Variants in ASTN2 observed in about 807,000 individuals in gnomAD.
ASTN2 encodes the protein astrotactin 2, also known as astrotactin-2.
Under a neutral mutation model 139.8 loss-of-function variants are expected in ASTN2, and 54 were observed. That is an observed-to-expected ratio of 0.39 (90% confidence interval 0.31 to 0.48). ASTN2 has a LOEUF of 0.48. Among genes scored for constraint, ASTN2 ranks in the 20% least tolerant of loss-of-function variants. The probability of loss-of-function intolerance (pLI) is 0.95; values close to 1 mark genes in which losing one functional copy is unlikely to be tolerated. For missense variants in ASTN2, 1,565 were observed against 1,725.1 expected, an observed-to-expected ratio of 0.91 and a Z score of 1.64; for synonymous variants, 756 against 719.5, an observed-to-expected ratio of 1.05 and a Z score of -0.81.
At chr9:117,233,793 A>G (rs1832966229) in intron 2 of ASTN2, among the ~76,000 whole-genome samples, 1 of 152,206 alleles carries the variant, frequency 6.6e-6, no homozygotes, top group African/African-American at 2.4e-5. Context: ...TGTGTTTTCT[A>G]TCCCATCTTC....
Position 117,068,856 on chromosome 9 carries a change from C to T in ASTN2, c.1276+27188G>A, listed in dbSNP as rs1057173639. ...ATTTCTGTGGGATCGGTGGTGATAT[C>T]CCCTTTATCATTTCTTATTGTGTCT... On this transcript the variant is annotated intron_variant, in intron 5 of 22. Coordinates refer to ENST00000313400, the MANE Select transcript of ASTN2 (RefSeq NM_001365068.1). 2.3e-5 allele frequency among the ~76,000 whole-genome samples: 3 copies of T among 127,836 alleles called. 1 individual carries two copies. The highest frequency in any genetic ancestry group is 8.4e-5 in the African/African-American group (3 of 35,626). The allele number at this position is 127,836 out of a possible 152,430, so 83.9% of individuals were successfully genotyped here.
chr9:116,901,506 C>T (rs1588396230), intron 10 of ASTN2, among the ~76,000 whole-genome samples: 1 of 152,274 alleles, frequency 6.6e-6, no homozygotes, highest in East Asian at 1.9e-4. Flanking sequence ...TGCTTAATGA[C>T]ATTGCGACAG....
intron 19 of ASTN2, among the ~76,000 whole-genome samples, chr9:116,560,618 A>T (rs925157668): frequency 3.3e-5 from 5 of 152,052 alleles, no homozygotes; most frequent in Admixed American, 6.5e-5. Flanking sequence ...TTCCTTATAC[A>T]TTCATTAGTT....
chr9:117,088,256 A>C (rs2132738366), intron 5 of ASTN2, among the ~76,000 whole-genome samples: 1 of 152,030 alleles, frequency 6.6e-6, no homozygotes, highest in Middle Eastern at 3.4e-3. Context: ...TTTGGGCTCT[A>C]CTCAGTTCTG....
intron 16 of ASTN2, among the ~76,000 whole-genome samples, chr9:116,710,464 C>T (rs980426920): frequency 1.3e-4 from 20 of 150,688 alleles, no homozygotes; most frequent in Admixed American, 6.6e-4. Flanking sequence ...GTGCAGTGAG[C>T]TCACGCCTGT....
chr9:116,607,539 T>G (rs771254322), intron 19 of ASTN2, among the ~76,000 whole-genome samples: 1 of 152,130 alleles, frequency 6.6e-6, no homozygotes, highest in Non-Finnish European at 1.5e-5. Flanking sequence ...ACCTCAATTT[T>G]AAAAAGTAAC....
At chr9:116,879,548 C>A (rs1282998374) in intron 10 of ASTN2, among the ~76,000 whole-genome samples, 1 of 152,018 alleles carries the variant, frequency 6.6e-6, no homozygotes, top group Non-Finnish European at 1.5e-5. Context: ...ATTATAATAC[C>A]GAATTCTTAG....
chr9:116,522,259 C>A (rs1444495494), intron 19 of ASTN2, among the ~76,000 whole-genome samples: 1 of 152,050 alleles, frequency 6.6e-6, no homozygotes, highest in Admixed American at 6.6e-5. Context: ...AATATGGAAC[C>A]AGCCCAAATA....
intron 5 of ASTN2, among the ~76,000 whole-genome samples, chr9:117,057,729 G>A (rs113549905): frequency 0.015 from 2,322 of 152,234 alleles, 64 homozygotes; most frequent in African/African-American, 0.053. Flanking sequence ...TAGCCATGTT[G>A]CTGCCTTCTT....
chr9:117,001,259 A>G (rs897925817), intron 7 of ASTN2, among the ~76,000 whole-genome samples: 11 of 152,212 alleles, frequency 7.2e-5, no homozygotes, highest in Non-Finnish European at 1.3e-4. Flanking sequence ...CTCACAAAGG[A>G]GAGACTTCTT....
chr9:117,021,656 G>A (rs1157390462), intron 6 of ASTN2, among the ~76,000 whole-genome samples: 1 of 152,122 alleles, frequency 6.6e-6, no homozygotes, highest in African/African-American at 2.4e-5. Context: ...TGGTATTCAC[G>A]TTCTGGCCAT....
At chr9:117,193,962 T>G (rs1017650855) in intron 3 of ASTN2, among the ~76,000 whole-genome samples, 1 of 151,594 alleles carries the variant, frequency 6.6e-6, no homozygotes, top group Non-Finnish European at 1.5e-5. Context: ...GGGCAGGGTG[T>G]TGTTGTTGTT....
intron 2 of ASTN2, among the ~76,000 whole-genome samples, chr9:117,219,484 C>T (rs557661525): frequency 4.6e-5 from 7 of 152,162 alleles, no homozygotes; most frequent in Non-Finnish European, 1.0e-4. Context: ...CCAAGGGTGA[C>T]AAGCTGAGAC....
intron 1 of ASTN2, among the ~76,000 whole-genome samples, chr9:117,394,248 C>T (rs544421273): frequency 2.0e-5 from 3 of 152,228 alleles, no homozygotes; most frequent in East Asian, 3.9e-4. Flanking sequence ...GCAGTGCTAT[C>T]CAACATAAAT....
rs1432274602 is a variant in ASTN2 at position 117,063,220 on chromosome 9, A to G, written c.1277-23255T>C. On this transcript the variant is annotated intron_variant, in intron 5 of 22. Coordinates refer to ENST00000313400, the MANE Select transcript of ASTN2 (RefSeq NM_001365068.1). ...GACACAGTTTATAATTTTGTCCTTC[A>G]TAAGGTACATTTCTTCAGGGTAAAG... 2.6e-5 allele frequency among the ~76,000 whole-genome samples: 4 copies of G among 152,230 alleles called. 1 individual carries two copies. Among genetic ancestry groups the G allele is most frequent in the Admixed American group, 2.0e-4 (3 of 15,276 alleles).
At chr9:116,544,435 T>G (rs1852006448) in intron 19 of ASTN2, among the ~76,000 whole-genome samples, 1 of 152,174 alleles carries the variant, frequency 6.6e-6, no homozygotes, top group Admixed American at 6.5e-5. Flanking sequence ...ATGATAGTAG[T>G]AGGTCTTTCC....
chr9:116,817,118 C>T (rs1588317566), intron 12 of ASTN2, among the ~76,000 whole-genome samples: 2 of 151,714 alleles, frequency 1.3e-5, no homozygotes. Context: ...CACGCTGAAA[C>T]CCCATCTCTA....
At chr9:117,101,035 G>GA (rs369339324) in intron 4 of ASTN2, among the ~76,000 whole-genome samples, 1 of 152,174 alleles carries the variant, frequency 6.6e-6, no homozygotes, top group African/African-American at 2.4e-5. Context: ...TTATTATTGG[G>GA]AAAAGAGTAT....
At chr9:116,649,637 T>C (rs532742743) in intron 17 of ASTN2, among the ~76,000 whole-genome samples, 14 of 151,942 alleles carry the variant, frequency 9.2e-5, no homozygotes, top group Non-Finnish European at 1.6e-4. Flanking sequence ...ATTCATTTCA[T>C]ATTGACAGGT....
Sources: gnomAD v4.1 joint callset for allele counts (sites outside exome capture counted in the v4.1 genomes callset) on GRCh38, gnomAD v4.1.1 for gene constraint, MANE v1.5 for transcripts, NCBI Gene and HGNC (gene_info 2026-07-23, HGNC 2026-07-21) for gene names.